The following XPNPEP2 variants were observed in gnomAD, a reference collection of about 807,000 sequenced individuals.
XPNPEP2 encodes xaa-Pro aminopeptidase 2.
In XPNPEP2, 64 loss-of-function variants were observed where a neutral mutation model predicts 59.8. The observed-to-expected ratio is 1.07, with a 90% CI of 0.87 to 1.32. XPNPEP2 has a LOEUF of 1.32. Ranked by LOEUF, XPNPEP2 falls within the 40% of genes most tolerant of loss-of-function variation. The probability of loss-of-function intolerance (pLI) is 0.00; values close to 1 mark genes in which losing one functional copy is unlikely to be tolerated. For synonymous variants in XPNPEP2, 235 were observed against 210.0 expected (o/e 1.12, Z -1.03); for missense variants, 575 against 546.8 (o/e 1.05, Z -0.51).
chrX:129,752,448 C>A, intron 10 of XPNPEP2, 103 bp downstream of exon 10: 1 of 916,477 alleles, frequency 1.1e-6, no homozygotes, highest in Non-Finnish European at 1.5e-6. Flanking sequence ...ATTCAGTCAT[C>A]TGGTCAGCCA....
intron 4 of XPNPEP2, 119 bp downstream of exon 4, chrX:129,745,385 C>T: frequency 1.2e-6 from 1 of 802,481 alleles, no homozygotes; most frequent in African/African-American, 2.0e-5. Context: ...AGAGAAAACC[C>T]TTCTACTCTC....
At chrX:129,762,190 C>T in intron 18 of XPNPEP2, 125 bp downstream of exon 18, 1 of 710,067 alleles carries the variant, frequency 1.4e-6, no homozygotes, top group Non-Finnish European at 2.2e-6. Flanking sequence ...CGGGACTCAC[C>T]TCCCCATTCC....
At chrX:129,755,178 G>T in intron 12 of XPNPEP2, 116 bp from the exon 13 acceptor site, 3 of 677,429 alleles carry the variant, frequency 4.4e-6, no homozygotes, top group Non-Finnish European at 6.9e-6. Context: ...GAGCCAAATG[G>T]TGTCCAGTTG....
chrX:129,758,077 G>A (rs1926588834), intron 14 of XPNPEP2, among the ~76,000 whole-genome samples: 1 of 111,346 alleles, frequency 9.0e-6, no homozygotes, highest in Non-Finnish European at 1.9e-5. Context: ...GGAAGTGTGG[G>A]AAGCGTGGGG....
At chrX:129,757,832 A>AAAGAAAGAAAG (rs1556393810) in intron 14 of XPNPEP2, among the ~76,000 whole-genome samples, 208 of 89,376 alleles carry the variant, frequency 2.3e-3, no homozygotes, top group Non-Finnish European at 3.8e-3. Flanking sequence ...AGAAAGAAAG[A>AAAGAAAGAAAG]AAGAAAGAAA....
chrX:129,767,797 A>G, intron 20 of XPNPEP2, 105 bp downstream of exon 20: 1 of 822,464 alleles, frequency 1.2e-6, no homozygotes, highest in Non-Finnish European at 1.8e-6. Context: ...GAGGGTCCAC[A>G]CTGGTGGCAC....
chrX:129,741,369 T>C (rs756487077), intron 1 of XPNPEP2, among the ~76,000 whole-genome samples: 43 of 112,447 alleles, frequency 3.8e-4, no homozygotes, highest in African/African-American at 1.3e-3. Flanking sequence ...GTTCTACCAC[T>C]GACTCCTGGT....
In XPNPEP2 at chrX:129,744,013, A is replaced by T. The variant is rs778127813; in HGVS notation, c.176A>T (p.Gln59Leu). Residue 59 changes from glutamine (Q) to leucine (L), a missense_variant, in exon 3 of 21, where the codon CAG becomes CTG. Transcript: ENST00000371106. ...NTTMSLTALRQQMQTQNLSAY... is the reference protein window; with the variant it reads ...NTTMSLTALRLQMQTQNLSAY... ...ACAATGTCACTCACAGCCCTCCGCC[A>T]GCAGATGCAGACCCAGAATCTCTCA... The T allele has an allele frequency of 8.3e-7, 1 of 1,212,100 alleles. No individual in the cohort carries two copies. Among genetic ancestry groups the T allele is most frequent in the East Asian group, 3.0e-5 (1 of 33,874 alleles).
chrX:129,743,559 G>A (rs765178719), intron 2 of XPNPEP2, among the ~76,000 whole-genome samples: 4 of 112,426 alleles, frequency 3.6e-5, no homozygotes, highest in African/African-American at 1.3e-4. Context: ...AACATAACTA[G>A]GTGAGTGTCC....
At chrX:129,759,072 G>T (rs189990966) in intron 14 of XPNPEP2, 108 bp from the exon 15 acceptor site, 369 of 934,863 alleles carry the variant, frequency 3.9e-4, no homozygotes, top group Non-Finnish European at 5.3e-4. Context: ...TCCTTTCGCC[G>T]TCCACCCATC....
Position 129,739,119 on chromosome X carries a change from G to C in XPNPEP2, c.-95G>C, listed in dbSNP as rs991207334. 2 of 950,336 alleles carry C rather than the reference G, an allele frequency of 2.1e-6. No individual in the cohort carries two copies. The highest frequency in any genetic ancestry group is 2.9e-6 in the Non-Finnish European group (2 of 685,111). The allele number at this position is 950,336 out of a possible 1,213,427, so 78.3% of individuals were successfully genotyped here. A position where few individuals can be genotyped will look rare whatever the true frequency, so the allele number is the denominator to read the frequency against. On this transcript the variant is annotated 5_prime_UTR_variant, in exon 1 of 21. Coordinates refer to ENST00000371106, the MANE Select transcript of XPNPEP2 (RefSeq NM_003399.6). ...GCCAGCCCCCACCCTCTGTCTGCTC[G>C]AGCCCAGGAAAGGCCTGAAGGAAGA...
At position 129,752,194 on chromosome X, in the gene XPNPEP2, A is replaced by G. The variant is rs1445644871; in HGVS notation, c.866A>G (p.Tyr289Cys). Residue 289 changes from tyrosine (Y) to cysteine (C), a missense_variant, in exon 10 of 21, where the codon TAT becomes TGT. Coordinates refer to ENST00000371106, the MANE Select transcript of XPNPEP2 (RefSeq NM_003399.6). ...KSRFSSETLSYLNSSCTGPMC... is the reference protein window; with the variant it reads ...KSRFSSETLSCLNSSCTGPMC... Reference sequence around the variant, plus strand: ...CGCTTTAGCTCCGAAACCTTGAGCTATCTGAACTCCAGTTGCACAGGCCCC... The same window carrying G: ...CGCTTTAGCTCCGAAACCTTGAGCTGTCTGAACTCCAGTTGCACAGGCCCC... 8.3e-7 allele frequency: 1 copy of G among 1,212,014 alleles called. No homozygotes were observed. Among genetic ancestry groups the G allele is most frequent in the East Asian group, 3.0e-5 (1 of 33,860 alleles).
intron 18 of XPNPEP2, 23 bp from the exon 19 acceptor site, chrX:129,762,671 A>G: frequency 4.2e-6 from 5 of 1,203,778 alleles, no homozygotes; most frequent in Non-Finnish European, 5.6e-6. Flanking sequence ...GCTTAATGCC[A>G]CCAGCATCTC....
Position 129,757,063 on chromosome X carries a change from T to TAC in XPNPEP2, c.1367+516_1367+517dup, listed in dbSNP as rs745496024. The stretch of plus-strand genomic sequence containing the variant: ...ATATATATATACACACACATATATA[T>TAC]ACACACACATACACACACACACACA... On this transcript the variant is annotated intron_variant, in intron 14 of 20. Coordinates refer to ENST00000371106, the MANE Select transcript of XPNPEP2 (RefSeq NM_003399.6). Among the ~76,000 whole-genome samples the TAC allele has an allele frequency of 0.019, 1,605 of 84,691 alleles. 120 individuals are homozygous for TAC. The East Asian group carries it at 0.29, about 15-fold the overall frequency. 73.5% of individuals were successfully genotyped at this position (84,691 alleles called of 115,157 possible).
Position 129,752,248 on chromosome X carries a change from A to G in XPNPEP2, c.920A>G (p.Gln307Arg). The G allele has an allele frequency of 8.3e-7, 1 of 1,211,226 alleles. No individual in the cohort carries two copies. The change falls in exon 10 of 21, where the codon CAA becomes CGA. Residue 307 changes from glutamine (Q) to arginine (R), a missense_variant. Gln to Arg is a conservative substitution (Grantham distance 43, BLOSUM62 1). Transcript: ENST00000371106. ...TGTGTGCAAATCGAGGATTACAGCCAAGTTCGTGACAGCATCCAGGCCTAC... is the reference window on the plus strand; with the variant it reads ...TGTGTGCAAATCGAGGATTACAGCCGAGTTCGTGACAGCATCCAGGCCTAC... The part of the protein sequence containing the change: ...PMCVQIEDYS[Q>R]VRDSIQAYSL...
At chrX:129,746,380 C>G (rs1926297494) in intron 5 of XPNPEP2, 40 bp downstream of exon 5, 1 of 1,146,357 alleles carries the variant, frequency 8.7e-7, no homozygotes, top group Non-Finnish European at 1.2e-6. Context: ...AGTCTTGGGA[C>G]CTGGACTAGG....
chrX:129,751,793 A>G lies in XPNPEP2; in HGVS notation c.788A>G (p.Tyr263Cys). 8.3e-7 allele frequency: 1 copy of G among 1,210,888 alleles called. No homozygotes were observed. Among genetic ancestry groups the G allele is most frequent in the Non-Finnish European group, 1.1e-6 (1 of 894,959 alleles). Reference protein sequence around the residue: ...ASDIPYNPFFYSYTLLTDSSI... With the variant: ...ASDIPYNPFFCSYTLLTDSSI... ...GACATCCCCTATAACCCCTTCTTCT[A>G]TTCCTACACGCTGCTCACAGACTCT... Residue 263 changes from tyrosine to cysteine, a missense_variant, in exon 9 of 21, where the codon TAT becomes TGT. Coordinates refer to ENST00000371106, the MANE Select transcript of XPNPEP2 (RefSeq NM_003399.6).
chrX:129,765,635 C>CTTTTTTTTTTTTTTTTTTTTTTTTTTTTT (rs56014067), intron 19 of XPNPEP2, among the ~76,000 whole-genome samples: 25 of 67,324 alleles, frequency 3.7e-4, no homozygotes, highest in Non-Finnish European at 5.4e-4. Flanking sequence ...TTCTTTCTTT[C>CTTTTTTTTTTTTTTTTTTTTTTTTTTTTT]TTTTTTTTTT....
At chrX:129,742,531 G>C (rs1483294276) in intron 2 of XPNPEP2, among the ~76,000 whole-genome samples, 1 of 110,161 alleles carries the variant, frequency 9.1e-6, no homozygotes, top group Non-Finnish European at 1.9e-5. Context: ...GCCAGGCAGA[G>C]GAAAGAAAAG....
Sources: gnomAD v4.1 joint callset for allele counts (sites outside exome capture counted in the v4.1 genomes callset) on GRCh38, gnomAD v4.1.1 for gene constraint, MANE v1.5 for transcripts, NCBI Gene and HGNC (gene_info 2026-07-23, HGNC 2026-07-21) for gene names.